The following OR10H5 variants were observed in gnomAD, a reference collection of about 807,000 sequenced individuals.
The protein encoded by OR10H5 is olfactory receptor family 10 subfamily H member 5.
In OR10H5, 7 loss-of-function variants were observed where a neutral mutation model predicts 12.2. The ratio of observed to expected loss-of-function variants is 0.57; its 90% CI spans 0.33 to 1.07. The LOEUF (loss-of-function observed/expected upper bound fraction) is 1.07, where lower values mean the gene tolerates loss of function less well. OR10H5 is among the 50% of genes least tolerant of loss of function. The pLI is 0.04. For synonymous variants in OR10H5, 159 were observed against 175.1 expected (o/e 0.91, Z 0.73); for missense variants, 346 against 411.6 (o/e 0.84, Z 1.38).
chr19:15,794,091 G>C lies in OR10H5; in HGVS notation c.43G>C (p.Val15Leu), dbSNP rs764274885. The change falls in exon 2 of 2, where the codon GTT becomes CTT. Residue 15 changes from valine (V) to leucine (L), a missense_variant. Physicochemically the swap from Val to Leu is conservative, Grantham distance 32 (BLOSUM62 1). Transcript: ENST00000642092. Reference protein sequence around the residue: ...NHTSVSEFILVGFSAFPHLQL... With the variant: ...NHTSVSEFILLGFSAFPHLQL... ...CACCTCCGTGTCTGAATTCATCCTC[G>C]TTGGCTTCTCTGCCTTCCCCCACCT... 4 of 1,613,914 alleles carry C rather than the reference G, an allele frequency of 2.5e-6. No homozygotes were observed. Among genetic ancestry groups the C allele is most frequent in the Non-Finnish European group, 2.5e-6 (3 of 1,179,984 alleles).
rs771145878 is a variant in OR10H5 at position 15,795,603 on chromosome 19, G to A, written c.*607G>A. 12 of 153,628 alleles carry A rather than the reference G, an allele frequency of 7.8e-5. No homozygotes were observed. Among genetic ancestry groups the A allele is most frequent in the Non-Finnish European group, 1.6e-4 (11 of 69,166 alleles). 9.5% of individuals were successfully genotyped at this position (153,628 alleles called of 1,614,324 possible). A position where few individuals can be genotyped will look rare whatever the true frequency, so the allele number is the denominator to read the frequency against. On this transcript the variant is annotated 3_prime_UTR_variant, in exon 2 of 2. Transcript: ENST00000642092. The stretch of plus-strand genomic sequence containing the variant: ...AGCCTCCCAAAGTGCTGGGATCACA[G>A]GCGTGAGTCACCACACCCAGCCCTG...
rs754325604 is a variant in OR10H5, at chr19:15,794,520, G to A, written c.472G>A (p.Val158Met). ...SWAGGLVMGM[V>M]VTSAIFHLAF... Reference sequence around the variant, plus strand: ...GGCTGGTGGCTTGGTCATGGGGATGGTGGTGACCTCGGCCATTTTCCACCT... The same window carrying A: ...GGCTGGTGGCTTGGTCATGGGGATGATGGTGACCTCGGCCATTTTCCACCT... The change falls in exon 2 of 2, where the codon GTG (valine) becomes ATG (methionine). Residue 158 changes from valine (V) to methionine (M), a missense_variant. Coordinates refer to ENST00000642092, the MANE Select transcript of OR10H5 (RefSeq NM_001004466.2). 64 of 1,614,108 alleles carry A rather than the reference G, an allele frequency of 4.0e-5. No individual in the cohort carries two copies. The highest frequency in any genetic ancestry group is 6.8e-6 in the Non-Finnish European group (8 of 1,180,054).
chr19:15,794,977 T>G lies in OR10H5; in HGVS notation c.929T>G (p.Leu310Arg), dbSNP rs2088832278. ...ATGAAGAAGACTTGCTTCACCAAAC[T>G]CTTTCCACAGAACTGCTGAAATGGC... ...VAMKKTCFTK[L>R]FPQNC is the part of the protein sequence containing the mutation. Residue 310 changes from leucine to arginine, a missense_variant, in exon 2 of 2, where the codon CTC (leucine) becomes CGC (arginine). Transcript: ENST00000642092. 3.7e-6 allele frequency: 6 copies of G among 1,614,046 alleles called. No individual in the cohort carries two copies. The highest frequency in any genetic ancestry group is 2.2e-5 in the East Asian group (1 of 44,872).
rs1007101503 is a variant in OR10H5 at position 15,799,442 on chromosome 19, C to G, written c.*4446C>G. 6.6e-6 allele frequency: 1 copy of G among 152,012 alleles called. No individual in the cohort carries two copies. The highest frequency in any genetic ancestry group is 1.5e-5 in the Non-Finnish European group (1 of 68,016). The allele number at this position is 152,012 out of a possible 1,614,324, so 9.4% of individuals were successfully genotyped here. A position where few individuals can be genotyped will look rare whatever the true frequency, so the allele number is the denominator to read the frequency against. ...GTATCTTGCGGCAGGTAGAAATAAT[C>G]AGTTTTCTTGCATTTTTTCCCTCGA... On this transcript the variant is annotated 3_prime_UTR_variant, in exon 2 of 2. Transcript: ENST00000642092.
Position 15,798,751 on chromosome 19 carries a change from C to CTTTTTTTT in OR10H5, c.*3771_*3778dup, listed in dbSNP as rs60535843. ...CTGTCTGCCAAGCAGCTAGAAGGAG[C>CTTTTTTTT]TTTTTTTTTTTTTTTTTTTTTTTGA... On this transcript the variant is annotated 3_prime_UTR_variant, in exon 2 of 2. Coordinates refer to ENST00000642092, the MANE Select transcript of OR10H5 (RefSeq NM_001004466.2). 1.6e-4 allele frequency: 11 copies of CTTTTTTTT among 70,958 alleles called. No individual in the cohort carries two copies. Among genetic ancestry groups the CTTTTTTTT allele is most frequent in the Admixed American group, 8.4e-4 (4 of 4,772 alleles). 4.4% of individuals were successfully genotyped at this position (70,958 alleles called of 1,614,324 possible).
Position 15,794,838 on chromosome 19 carries a change from A to G in OR10H5, c.790A>G (p.Lys264Glu), listed in dbSNP as rs2088831068. The change falls in exon 2 of 2, where the codon AAA becomes GAA. Residue 264 changes from lysine (K) to glutamate (E), a missense_variant. Transcript: ENST00000642092. Reference protein sequence around the residue: ...GFASVIYLKPKGPQSPEGDTL... With the variant: ...GFASVIYLKPEGPQSPEGDTL... ...TGCCTCCGTCATTTACCTGAAGCCC[A>G]AAGGTCCCCAGTCTCCGGAAGGAGA... The G allele has an allele frequency of 6.2e-7, 1 of 1,614,010 alleles. No individual in the cohort carries two copies. The highest frequency in any genetic ancestry group is 1.7e-5 in the Admixed American group (1 of 59,982).
rs765308362 is a variant in OR10H5, at chr19:15,794,025, C to A, written c.-11-13C>A. On this transcript the variant is annotated splice_polypyrimidine_tract_variant and intron_variant, in intron 1 of 1. Coordinates refer to ENST00000642092, the MANE Select transcript of OR10H5 (RefSeq NM_001004466.2). ...CTAACCACTGGGTCTTCTTTCCTCT[C>A]TCCACCAACTAGGGGTGGCCGCCAT... 5 of 1,592,698 alleles carry A rather than the reference C, an allele frequency of 3.1e-6. No homozygotes were observed. The highest frequency in any genetic ancestry group is 3.4e-5 in the Admixed American group (2 of 59,340).
chr19:15,794,930 G>A lies in OR10H5; in HGVS notation c.882G>A (p.Arg294=), dbSNP rs201171506. 18 of 1,614,014 alleles carry A rather than the reference G, an allele frequency of 1.1e-5. No individual in the cohort carries two copies. The highest frequency in any genetic ancestry group is 1.4e-5 in the Non-Finnish European group (17 of 1,180,038). Residue 294 remains arginine (R), a synonymous_variant, in exon 2 of 2, where the codon AGG becomes AGA. Coordinates refer to ENST00000642092, the MANE Select transcript of OR10H5 (RefSeq NM_001004466.2). ...TCAGCCCCATCATCTTCAGCCTCAG[G>A]AACAAGGAGCTGAAGGTCGCCATGA... is the stretch of plus-strand genomic sequence containing the variant. The part of the protein sequence containing the change: ...PFLSPIIFSL[R]NKELKVAMKK...
chr19:15,790,660 A>C (rs1290381357), intron 1 of OR10H5, among the ~76,000 whole-genome samples: 4 of 152,004 alleles, frequency 2.6e-5, no homozygotes, highest in African/African-American at 9.7e-5. Flanking sequence ...ATGACAGATG[A>C]GGGAGAGGAG....
At chr19:15,793,608 T>C (rs2088819301) in intron 1 of OR10H5, among the ~76,000 whole-genome samples, 1 of 151,830 alleles carries the variant, frequency 6.6e-6, no homozygotes, top group African/African-American at 2.4e-5. Context: ...TGGCCAGGCG[T>C]GGTGGCTCAA....
rs2088792411 is a variant in OR10H5, at chr19:15,788,208, C to T, written c.-12+492C>T. ...GCTGCCATTTCAAAGTGCCGCAAACCTTGTGGCTTAAAACAAGATAAATGC... is the reference window on the plus strand; with the variant it reads ...GCTGCCATTTCAAAGTGCCGCAAACTTTGTGGCTTAAAACAAGATAAATGC... On this transcript the variant is annotated intron_variant, in intron 1 of 1. Transcript: ENST00000642092. Among the ~76,000 whole-genome samples the T allele has an allele frequency of 2.0e-5, 3 of 152,114 alleles. No homozygotes were observed. The South Asian group carries it at 6.2e-4, about 31-fold the overall frequency.
rs1216207680 is a variant in OR10H5 at position 15,795,145 on chromosome 19, C to G, written c.*149C>G. 1.5e-6 allele frequency: 1 copy of G among 670,784 alleles called. No homozygotes were observed. The highest frequency in any genetic ancestry group is 2.4e-6 in the Non-Finnish European group (1 of 420,464). The allele number at this position is 670,784 out of a possible 1,614,324, so 41.6% of individuals were successfully genotyped here. A position where few individuals can be genotyped will look rare whatever the true frequency, so the allele number is the denominator to read the frequency against. The stretch of plus-strand genomic sequence containing the variant: ...TCCCTCCCTCCTTTCCTCCCTCCTT[C>G]TCTGACCTACAGTCCACCCTCCCTC... On this transcript the variant is annotated 3_prime_UTR_variant, in exon 2 of 2. Coordinates refer to ENST00000642092, the MANE Select transcript of OR10H5 (RefSeq NM_001004466.2).
intron 1 of OR10H5, among the ~76,000 whole-genome samples, chr19:15,791,381 A>C (rs1194158838): frequency 6.6e-6 from 1 of 151,906 alleles, no homozygotes; most frequent in Non-Finnish European, 1.5e-5. Context: ...AATACAAATA[A>C]AATTTAAAAA....
chr19:15,794,079 G>C lies in OR10H5; in HGVS notation c.31G>C (p.Glu11Gln), dbSNP rs1244593461. MQGLNHTSVS[E>Q]FILVGFSAFP... ...GGGGCTAAACCACACCTCCGTGTCT[G>C]AATTCATCCTCGTTGGCTTCTCTGC... The change falls in exon 2 of 2, where the codon GAA becomes CAA. Residue 11 changes from glutamate to glutamine, a missense_variant. Physicochemically the swap from Glu to Gln is conservative, Grantham distance 29. Transcript: ENST00000642092. 4 of 1,613,794 alleles carry C rather than the reference G, an allele frequency of 2.5e-6. No individual in the cohort carries two copies. The East Asian group carries it at 6.7e-5, about 27-fold the overall frequency.
chr19:15,788,171 G>A (rs1366367277), intron 1 of OR10H5, among the ~76,000 whole-genome samples: 4 of 152,192 alleles, frequency 2.6e-5, no homozygotes, highest in African/African-American at 7.2e-5. Context: ...GCGCTTGTAT[G>A]AGATTATTGT....
rs1027350699 is a variant in OR10H5, at chr19:15,798,537, T to C, written c.*3541T>C. 6.6e-6 allele frequency: 1 copy of C among 152,222 alleles called. No homozygotes were observed. Among genetic ancestry groups the C allele is most frequent in the Non-Finnish European group, 1.5e-5 (1 of 68,074 alleles). 9.4% of individuals were successfully genotyped at this position (152,222 alleles called of 1,614,324 possible). ...TTCAGGGACCTGCTCCCTGAGTTCC[T>C]TGGAGCCCAGTGTTGTAGTCCTAAT... On this transcript the variant is annotated 3_prime_UTR_variant, in exon 2 of 2. Coordinates refer to ENST00000642092, the MANE Select transcript of OR10H5 (RefSeq NM_001004466.2).
Position 15,794,942 on chromosome 19 carries a change from G to A in OR10H5, c.894G>A (p.Leu298=), listed in dbSNP as rs775062432. 6 of 1,614,074 alleles carry A rather than the reference G, an allele frequency of 3.7e-6. No individual in the cohort carries two copies. Among genetic ancestry groups the A allele is most frequent in the Non-Finnish European group, 5.1e-6 (6 of 1,180,050 alleles). ...TCTTCAGCCTCAGGAACAAGGAGCT[G>A]AAGGTCGCCATGAAGAAGACTTGCT... ...PIIFSLRNKE[L]KVAMKKTCFT... The change falls in exon 2 of 2, where the codon CTG becomes CTA. Residue 298 remains leucine (L), a synonymous_variant. Coordinates refer to ENST00000642092, the MANE Select transcript of OR10H5 (RefSeq NM_001004466.2).
chr19:15,799,638 TACAAGG>T lies in OR10H5; in HGVS notation c.*4643_*4648del, dbSNP rs1444190888. ...GTTATGTATATAATTGTATGTTGTC[TACAAGG>T]TAAACCTTAAAAGTATGACAAATAG... On this transcript the variant is annotated 3_prime_UTR_variant, in exon 2 of 2. Coordinates refer to ENST00000642092, the MANE Select transcript of OR10H5 (RefSeq NM_001004466.2). The T allele has an allele frequency of 2.9e-4, 44 of 151,900 alleles. No homozygotes were observed. Among genetic ancestry groups the T allele is most frequent in the African/African-American group, 9.9e-4 (41 of 41,344 alleles). 9.4% of individuals were successfully genotyped at this position (151,900 alleles called of 1,614,324 possible). A position where few individuals can be genotyped will look rare whatever the true frequency, so the allele number is the denominator to read the frequency against.
chr19:15,792,395 A>T (rs2088813460), intron 1 of OR10H5, among the ~76,000 whole-genome samples: 1 of 152,160 alleles, frequency 6.6e-6, no homozygotes, highest in South Asian at 2.1e-4. Flanking sequence ...TCTTTCTTTT[A>T]TTAGCACTTG....
Sources: gnomAD v4.1 joint callset for allele counts (sites outside exome capture counted in the v4.1 genomes callset) on GRCh38, gnomAD v4.1.1 for gene constraint, MANE v1.5 for transcripts, NCBI Gene and HGNC (gene_info 2026-07-23, HGNC 2026-07-21) for gene names.